Variants in ARMC9 observed in about 807,000 individuals in gnomAD.
ARMC9 encodes the protein armadillo repeat containing 9, also known as lisH domain-containing protein ARMC9.
Under a neutral mutation model 107.0 loss-of-function variants are expected in ARMC9, and 94 were observed. That is an observed-to-expected ratio of 0.88 (90% confidence interval 0.74 to 1.04). ARMC9 has a LOEUF of 1.04. ARMC9 is among the 50% of genes least tolerant of loss of function. The pLI is 0.00. For synonymous variants in ARMC9, 380 were observed against 396.9 expected, an observed-to-expected ratio of 0.96 and a Z score of 0.51; for missense variants, 942 against 1,030.1, an observed-to-expected ratio of 0.91 and a Z score of 1.17.
chr2:231,366,845 A>AAAACC (rs1164824365), intron 23 of ARMC9, among the ~76,000 whole-genome samples: 6 of 150,794 alleles, frequency 4.0e-5, no homozygotes, highest in African/African-American at 1.5e-4. Context: ...GTCTCAAAAC[A>AAAACC]AAACCAAACA....
intron 19 of ARMC9, among the ~76,000 whole-genome samples, chr2:231,304,809 A>G (rs1345056942): frequency 6.6e-6 from 1 of 152,226 alleles, no homozygotes; most frequent in Non-Finnish European, 1.5e-5. Context: ...AATGGCAGAT[A>G]TAGGTTTCTC....
At chr2:231,221,200 T>C (rs1387632814) in intron 5 of ARMC9, among the ~76,000 whole-genome samples, 4 of 152,140 alleles carry the variant, frequency 2.6e-5, no homozygotes, top group Non-Finnish European at 5.9e-5. Context: ...TAGCCACGGG[T>C]GTTCTGTGAC....
At position 231,296,189 on chromosome 2, in the gene ARMC9, T is replaced by C; in HGVS notation, c.1718-9T>C. 6.2e-7 allele frequency: 1 copy of C among 1,607,974 alleles called. No homozygotes were observed. The highest frequency in any genetic ancestry group is 1.3e-5 in the African/African-American group (1 of 74,702). ...ATCCATTATTCATTGATTCTTTTTT[T>C]CTTTATAGAAGAGCTACCAGATGGT... On this transcript the variant is annotated splice_polypyrimidine_tract_variant and intron_variant, in intron 18 of 24. Coordinates refer to ENST00000611582, the MANE Select transcript of ARMC9 (RefSeq NM_001352754.2).
At position 231,272,944 on chromosome 2, in the gene ARMC9, TG is replaced by T; in HGVS notation, c.1211-10del. 6.2e-7 allele frequency: 1 copy of T among 1,608,212 alleles called. No individual in the cohort carries two copies. Among genetic ancestry groups the T allele is most frequent in the Non-Finnish European group, 8.5e-7 (1 of 1,178,398 alleles). On this transcript the variant is annotated splice_polypyrimidine_tract_variant and intron_variant, in intron 13 of 24. Coordinates refer to ENST00000611582, the MANE Select transcript of ARMC9 (RefSeq NM_001352754.2). ...TGTCTTTCACCTGTTTCATCTCTGG[TG>T]TATTATCAGGTCGCCTCTACCTTGC...
chr2:231,350,377 A>G (rs967002405), intron 21 of ARMC9, among the ~76,000 whole-genome samples: 3 of 152,142 alleles, frequency 2.0e-5, no homozygotes, highest in African/African-American at 4.8e-5. Flanking sequence ...TTAGAACAGC[A>G]GTAGAAAATG....
intron 7 of ARMC9, among the ~76,000 whole-genome samples, chr2:231,229,309 C>A (rs1196203623): frequency 6.6e-6 from 1 of 152,182 alleles, no homozygotes; most frequent in Non-Finnish European, 1.5e-5. Flanking sequence ...ATTCTAGACT[C>A]AGGCATTGTT....
chr2:231,206,092 C>T (rs1328764790), intron 1 of ARMC9, 106 bp from the exon 2 acceptor site: 8 of 711,814 alleles, frequency 1.1e-5, no homozygotes, highest in East Asian at 5.4e-5. Context: ...TGGGGATTGG[C>T]GCATGGATGT....
In ARMC9 at chr2:231,296,181, T is replaced by G; in HGVS notation, c.1718-17T>G. On this transcript the variant is annotated splice_polypyrimidine_tract_variant and intron_variant, in intron 18 of 24. Coordinates refer to ENST00000611582, the MANE Select transcript of ARMC9 (RefSeq NM_001352754.2). The stretch of plus-strand genomic sequence containing the variant: ...CACTGTTTATCCATTATTCATTGAT[T>G]CTTTTTTTCTTTATAGAAGAGCTAC... 3 of 1,601,764 alleles carry G rather than the reference T, an allele frequency of 1.9e-6. No individual in the cohort carries two copies. The highest frequency in any genetic ancestry group is 2.2e-5 in the East Asian group (1 of 44,800).
At chr2:231,207,144 A>G (rs1331595856) in intron 2 of ARMC9, among the ~76,000 whole-genome samples, 1 of 152,050 alleles carries the variant, frequency 6.6e-6, no homozygotes, top group African/African-American at 2.4e-5. Context: ...AGCTGAGACT[A>G]CAGACGTGCA....
intron 9 of ARMC9, among the ~76,000 whole-genome samples, chr2:231,245,953 G>T (rs1482846390): frequency 6.6e-6 from 1 of 152,210 alleles, no homozygotes; most frequent in African/African-American, 2.4e-5. Flanking sequence ...AAGAGCAGGA[G>T]TGGGTAGAAG....
chr2:231,367,115 G>C (rs1020551230), intron 23 of ARMC9, among the ~76,000 whole-genome samples: 3 of 152,036 alleles, frequency 2.0e-5, no homozygotes, highest in African/African-American at 7.2e-5. Flanking sequence ...CTCCCAAAGT[G>C]CTGGGATTAC....
intron 19 of ARMC9, among the ~76,000 whole-genome samples, chr2:231,307,270 G>GT (rs2125504790): frequency 6.6e-6 from 1 of 152,312 alleles, no homozygotes; most frequent in South Asian, 2.1e-4. Flanking sequence ...GCTGAGGACT[G>GT]TTTCGTTTGG....
At position 231,337,476 on chromosome 2, in the gene ARMC9, T is replaced by G. The variant is rs373487913; in HGVS notation, c.1878+5579T>G. ...CACGCCCGGCTAATTTTTGTTTTTT[T>G]TTTTTTTTTTTGAGACAGAGTCTCG... On this transcript the variant is annotated intron_variant, in intron 20 of 24. Coordinates refer to ENST00000611582, the MANE Select transcript of ARMC9 (RefSeq NM_001352754.2). Among the ~76,000 whole-genome samples the G allele has an allele frequency of 8.9e-4, 116 of 130,512 alleles. No homozygotes were observed. The East Asian group carries it at 0.015, about 16-fold the overall frequency. 85.6% of individuals were successfully genotyped at this position (130,512 alleles called of 152,430 possible). A position where few individuals can be genotyped will look rare whatever the true frequency, so the allele number is the denominator to read the frequency against.
chr2:231,200,519 A>G (rs2030702823), intron 1 of ARMC9, among the ~76,000 whole-genome samples: 2 of 152,210 alleles, frequency 1.3e-5, no homozygotes, highest in South Asian at 4.1e-4. Flanking sequence ...CTAAAAATAC[A>G]AAAATTAGCT....
Position 231,371,713 on chromosome 2 carries a change from G to A in ARMC9, c.*178G>A, listed in dbSNP as rs1036063057. 1.2e-5 allele frequency: 7 copies of A among 586,636 alleles called. No homozygotes were observed. The highest frequency in any genetic ancestry group is 3.5e-5 in the East Asian group (1 of 28,834). The allele number at this position is 586,636 out of a possible 1,614,324, so 36.3% of individuals were successfully genotyped here. A position where few individuals can be genotyped will look rare whatever the true frequency, so the allele number is the denominator to read the frequency against. On this transcript the variant is annotated 3_prime_UTR_variant, in exon 25 of 25. Coordinates refer to ENST00000611582, the MANE Select transcript of ARMC9 (RefSeq NM_001352754.2). ...CAAGGCCATCGCAGCCCCGCCAGCCGGGTCACTTTCTCCCAGGGCAGAGCC... is the reference window on the plus strand; with the variant it reads ...CAAGGCCATCGCAGCCCCGCCAGCCAGGTCACTTTCTCCCAGGGCAGAGCC...
intron 2 of ARMC9, among the ~76,000 whole-genome samples, chr2:231,207,641 A>C (rs1356285567): frequency 4.0e-5 from 6 of 151,878 alleles, no homozygotes; most frequent in African/African-American, 1.2e-4. Context: ...GCGCCTGGCT[A>C]ATTTTTGTAT....
intron 19 of ARMC9, among the ~76,000 whole-genome samples, chr2:231,304,740 A>G (rs547336333): frequency 6.6e-6 from 1 of 152,344 alleles, no homozygotes; most frequent in African/African-American, 2.4e-5. Flanking sequence ...GAAATTGTGT[A>G]TTATCAACAC....
intron 24 of ARMC9, chr2:231,371,016 T>C (rs952975728): frequency 1.3e-5 from 6 of 451,836 alleles, no homozygotes; most frequent in African/African-American, 8.1e-5. Flanking sequence ...GGGAGCCAGG[T>C]TGGGACCCCT....
At chr2:231,271,783 C>T (rs1322135664) in intron 13 of ARMC9, among the ~76,000 whole-genome samples, 1 of 152,152 alleles carries the variant, frequency 6.6e-6, no homozygotes, top group Non-Finnish European at 1.5e-5. Flanking sequence ...AAATTAACAT[C>T]TTCCATATCC....
Sources: allele counts gnomAD v4.1 joint callset (sites outside exome capture counted in the v4.1 genomes callset), GRCh38; gene constraint gnomAD v4.1.1; transcripts MANE v1.5; gene names NCBI Gene and HGNC (gene_info 2026-07-23, HGNC 2026-07-21).